TMEM53: variants seen among roughly 807,000 people sequenced by gnomAD.
TMEM53 encodes novel DUF829 domain-containing protein.
TMEM53 carries 14 observed loss-of-function variants against 21.4 expected under a neutral mutation model. The observed-to-expected ratio is 0.65, with a 90% CI of 0.43 to 1.02. TMEM53 has a LOEUF of 1.02. Among genes scored for constraint, TMEM53 ranks in the 50% least tolerant of loss-of-function variants. The pLI is 0.00. For synonymous variants in TMEM53, 148 were observed against 157.4 expected, an observed-to-expected ratio of 0.94 and a Z score of 0.45; for missense variants, 323 against 383.6, an observed-to-expected ratio of 0.84 and a Z score of 1.32.
At position 44,673,243 on chromosome 1, in the gene TMEM53, G is replaced by C. The variant is rs372295947; in HGVS notation, c.61+1088C>G. Among the ~76,000 whole-genome samples, 24 of 152,340 alleles carry C rather than the reference G, an allele frequency of 1.6e-4. No individual in the cohort carries two copies. The East Asian group carries it at 3.5e-3, about 22-fold the overall frequency. Reference sequence around the variant, plus strand: ...GGAGTCTAAGGGCTGCCCTCTCCTAGACTCCAACCAAAGAACATGAGATGC... The same window carrying C: ...GGAGTCTAAGGGCTGCCCTCTCCTACACTCCAACCAAAGAACATGAGATGC... On this transcript the variant is annotated intron_variant, in intron 1 of 2. Coordinates refer to ENST00000372237, the MANE Select transcript of TMEM53 (RefSeq NM_024587.4).
intron 2 of TMEM53, among the ~76,000 whole-genome samples, chr1:44,657,015 A>G (rs1419524446): frequency 6.6e-6 from 1 of 151,668 alleles, no homozygotes; most frequent in African/African-American, 2.4e-5. Flanking sequence ...CTCTCTCAAA[A>G]AAAAAAAAAG....
chr1:44,674,465 C>CCCAGGAGG lies in TMEM53; in HGVS notation c.-75_-74insCCTCCTGG. The CCCAGGAGG allele has an allele frequency of 2.0e-6, 3 of 1,490,136 alleles. No individual in the cohort carries two copies. Among genetic ancestry groups the CCCAGGAGG allele is most frequent in the Non-Finnish European group, 2.7e-6 (3 of 1,104,404 alleles). 92.3% of individuals were successfully genotyped at this position (1,490,136 alleles called of 1,614,324 possible). A position where few individuals can be genotyped will look rare whatever the true frequency, so the allele number is the denominator to read the frequency against. ...TGCGCACCCGTGCCTCACCCGGGCG[C>CCCAGGAGG]CTCCTGGGCGCCGCCCAATCACCAC... On this transcript the variant is annotated 5_prime_UTR_variant, in exon 1 of 3. Transcript: ENST00000372237.
intron 1 of TMEM53, among the ~76,000 whole-genome samples, chr1:44,663,005 G>A (rs1644914664): frequency 6.6e-6 from 1 of 152,166 alleles, no homozygotes; most frequent in African/African-American, 2.4e-5. Flanking sequence ...CTGGCACCCT[G>A]GAGAGACTGC....
chr1:44,662,142 T>G (rs1436389523), intron 1 of TMEM53, among the ~76,000 whole-genome samples: 1 of 152,212 alleles, frequency 6.6e-6, no homozygotes, highest in Non-Finnish European at 1.5e-5. Context: ...GACAACAATT[T>G]CCTGTGGAAA....
At chr1:44,665,162 A>G (rs1463216519) in intron 1 of TMEM53, among the ~76,000 whole-genome samples, 1 of 144,300 alleles carries the variant, frequency 6.9e-6, no homozygotes, top group Non-Finnish European at 1.5e-5. Context: ...CCACCACACC[A>G]CTGCACTTAA....
chr1:44,664,127 G>C (rs1311856598), intron 1 of TMEM53, among the ~76,000 whole-genome samples: 1 of 148,436 alleles, frequency 6.7e-6, no homozygotes. Context: ...ACTCCAGCCT[G>C]GGTGACAGAA....
At chr1:44,671,196 G>C (rs971744726) in intron 1 of TMEM53, among the ~76,000 whole-genome samples, 1 of 152,244 alleles carries the variant, frequency 6.6e-6, no homozygotes, top group Admixed American at 6.5e-5. Flanking sequence ...GGGAAAAAGA[G>C]AGGGAGGAGG....
At chr1:44,659,206 G>C (rs1644876668) in intron 2 of TMEM53, among the ~76,000 whole-genome samples, 1 of 152,356 alleles carries the variant, frequency 6.6e-6, no homozygotes, top group East Asian at 1.9e-4. Context: ...CAGTCAGGCG[G>C]GATGTGGACG....
intron 1 of TMEM53, chr1:44,673,976 G>T: frequency 1.0e-6 from 1 of 985,438 alleles, no homozygotes; most frequent in Non-Finnish European, 1.2e-6. Context: ...GATGTGGGAA[G>T]CCCAATCCCA....
In TMEM53 at chr1:44,655,538, T is replaced by C. The variant is rs1644841790; in HGVS notation, c.184-329A>G. On this transcript the variant is annotated intron_variant, in intron 2 of 2. Transcript: ENST00000372237. This position sits in a 1 kb window ranked among gnomAD's most constrained non-coding sequence, Gnocchi z 4.4. ...CTGGGCTGACCAGAGGAAGTCTCTT[T>C]ACTCTGGTTCCCTCCTGTCTGTGCC... 6.6e-6 allele frequency among the ~76,000 whole-genome samples: 1 copy of C among 152,294 alleles called. No individual in the cohort carries two copies. Among genetic ancestry groups the C allele is most frequent in the East Asian group, 1.9e-4 (1 of 5,168 alleles).
intron 1 of TMEM53, among the ~76,000 whole-genome samples, chr1:44,668,029 C>T (rs1287623737): frequency 1.3e-5 from 2 of 152,106 alleles, no homozygotes; most frequent in African/African-American, 2.4e-5. Flanking sequence ...TTGTGTATAC[C>T]CCAGGGGCAT....
intron 1 of TMEM53, among the ~76,000 whole-genome samples, chr1:44,671,806 G>A (rs1645003691): frequency 6.6e-6 from 1 of 152,196 alleles, no homozygotes. Context: ...GCGGGTGCCT[G>A]TAGTCCCAGC....
chr1:44,660,279 T>C lies in TMEM53; in HGVS notation c.78A>G (p.Pro26=), dbSNP rs775468128. 4 of 1,613,626 alleles carry C rather than the reference T, an allele frequency of 2.5e-6. No individual in the cohort carries two copies. In the East Asian group the frequency reaches 8.9e-5, roughly 36 times the overall value. The change falls in exon 2 of 3, where the codon CCA becomes CCG. Residue 26 remains proline, a synonymous_variant. Transcript: ENST00000372237. ...GCCGAGTTTCTGCCTCCTTCCCACC[T>C]GGGCTGGGGCTGTTCTCTGAAACAC... is the stretch of plus-strand genomic sequence containing the variant. ...PCWSQKNSPS[P]GGKEAETRQP... is the part of the protein sequence containing the mutation.
rs1481270252 is a variant in TMEM53 at position 44,653,896 on chromosome 1, C to CTATT, written c.*659_*662dup. ...GTTCTGAATTATGCAAGATGCAAGACTATTCAGTTCTAGAGGTCTGCCGTG... is the reference window on the plus strand; with the variant it reads ...GTTCTGAATTATGCAAGATGCAAGACTATTTATTCAGTTCTAGAGGTCTGCCGTG... On this transcript the variant is annotated 3_prime_UTR_variant, in exon 3 of 3. Coordinates refer to ENST00000372237, the MANE Select transcript of TMEM53 (RefSeq NM_024587.4). 2.6e-5 allele frequency: 4 copies of CTATT among 152,258 alleles called. No homozygotes were observed. Among genetic ancestry groups the CTATT allele is most frequent in the African/African-American group, 9.6e-5 (4 of 41,478 alleles). 9.4% of individuals were successfully genotyped at this position (152,258 alleles called of 1,614,324 possible).
intron 1 of TMEM53, among the ~76,000 whole-genome samples, chr1:44,663,347 T>A (rs1430708015): frequency 6.6e-6 from 1 of 152,188 alleles, no homozygotes; most frequent in Non-Finnish European, 1.5e-5. Flanking sequence ...TTCAAGAGAT[T>A]CCCCTGCCTC....
At chr1:44,659,855 CTT>C (rs35618807) in intron 2 of TMEM53, among the ~76,000 whole-genome samples, 172 of 106,926 alleles carry the variant, frequency 1.6e-3, no homozygotes, top group African/African-American at 6.1e-3. Flanking sequence ...TCCTCACAGG[CTT>C]TTTTTTTTTT....
intron 1 of TMEM53, among the ~76,000 whole-genome samples, chr1:44,665,095 C>A (rs752322838): frequency 6.6e-6 from 1 of 152,048 alleles, no homozygotes; most frequent in Non-Finnish European, 1.5e-5. Flanking sequence ...CACCACCCCC[C>A]ACCCCAAACC....
At position 44,654,807 on chromosome 1, in the gene TMEM53, G is replaced by A; in HGVS notation, c.586C>T (p.His196Tyr). 1 of 1,613,790 alleles carries A rather than the reference G, an allele frequency of 6.2e-7. No individual in the cohort carries two copies. The highest frequency in any genetic ancestry group is 1.1e-5 in the South Asian group (1 of 91,080). ...VLLAPITALF[H>Y]THFYDRLQDA... ...TGTAGCCTGTCATAGAAGTGGGTGTGGAAGAGGGCTGTGATGGGAGCAAGC... is the reference window on the plus strand; with the variant it reads ...TGTAGCCTGTCATAGAAGTGGGTGTAGAAGAGGGCTGTGATGGGAGCAAGC... The change falls in exon 3 of 3, where the codon CAC (histidine) becomes TAC (tyrosine). Residue 196 changes from histidine (H) to tyrosine (Y), a missense_variant. By Grantham distance (83) the His-to-Tyr change is moderately conservative. Around this residue, in one of 3 missense-constraint regions of TMEM53, gnomAD observed 269 missense variants for 334.5 expected, o/e 0.80. Transcript: ENST00000372237. This position sits in a 1 kb window ranked among gnomAD's most constrained non-coding sequence, Gnocchi z 7.0.
chr1:44,653,739 C>T lies in TMEM53; in HGVS notation c.*820G>A, dbSNP rs969249382. ...CTGGAGCAAAGATCATAGCCCCTATCCGCAGCCTGACGCTACCCCTGACCG... is the reference window on the plus strand; with the variant it reads ...CTGGAGCAAAGATCATAGCCCCTATTCGCAGCCTGACGCTACCCCTGACCG... On this transcript the variant is annotated 3_prime_UTR_variant, in exon 3 of 3. Transcript: ENST00000372237. 6.6e-6 allele frequency: 1 copy of T among 152,280 alleles called. No homozygotes were observed. The highest frequency in any genetic ancestry group is 1.5e-5 in the Non-Finnish European group (1 of 68,068). 9.4% of individuals were successfully genotyped at this position (152,280 alleles called of 1,614,324 possible).
Sources: gnomAD v4.1 joint callset for allele counts (sites outside exome capture counted in the v4.1 genomes callset) on GRCh38, gnomAD v4.1.1 for gene constraint, gnomAD v4.1.1 regional missense constraint, Gnocchi (gnomAD v3.1) non-coding constraint, MANE v1.5 for transcripts, NCBI Gene and HGNC (gene_info 2026-07-23, HGNC 2026-07-21) for gene names.